SHANK1: variants seen among roughly 807,000 people sequenced by gnomAD.
SHANK1 encodes SH3 and multiple ankyrin repeat domains protein 1.
A neutral mutation model predicts 165.6 loss-of-function variants in SHANK1; 35 were observed. The ratio of observed to expected loss-of-function variants is 0.21; its 90% CI spans 0.16 to 0.28. The LOEUF (loss-of-function observed/expected upper bound fraction) is 0.28, where lower values mean the gene tolerates loss of function less well. Among genes scored for constraint, SHANK1 ranks in the 10% least tolerant of loss-of-function variants. The pLI, the probability that SHANK1 is intolerant of heterozygous loss-of-function variation, is 1.00. For synonymous variants in SHANK1, 1,428 were observed against 1,384.8 expected (o/e 1.03, Z -0.69); for missense variants, 2,681 against 3,036.4 (o/e 0.88, Z 2.75).
chr19:50,694,516 A>C (rs1986659705), intron 15 of SHANK1, among the ~76,000 whole-genome samples: 1 of 135,326 alleles, frequency 7.4e-6, no homozygotes. Flanking sequence ...TAAGGGCGGC[A>C]GAAAGGCGAG....
At position 50,702,236 on chromosome 19, in the gene SHANK1, G is replaced by A. The variant is rs371129182; in HGVS notation, c.1747+231C>T. Among the ~76,000 whole-genome samples the A allele has an allele frequency of 2.0e-5, 3 of 152,130 alleles. No individual in the cohort carries two copies. Among genetic ancestry groups the A allele is most frequent in the Non-Finnish European group, 4.4e-5 (3 of 68,024 alleles). Reference sequence around the variant, plus strand: ...GAAGTTCCAGCCATGCCCTGCACACGGCATCAGTGTCCCGCAGTGGGACAC... The same window carrying A: ...GAAGTTCCAGCCATGCCCTGCACACAGCATCAGTGTCCCGCAGTGGGACAC... On this transcript the variant is annotated intron_variant, in intron 12 of 23. Transcript: ENST00000293441. This position sits in a 1 kb window ranked among gnomAD's most constrained non-coding sequence, Gnocchi z 5.3.
At position 50,719,732 on chromosome 19, in the gene SHANK1, GGCC is replaced by G. The variant is rs1052286855; in HGVS notation, c.-373_-371del. On this transcript the variant is annotated 5_prime_UTR_variant, in exon 1 of 24. Coordinates refer to ENST00000293441, the MANE Select transcript of SHANK1 (RefSeq NM_016148.5). ...CTGCTCTTCCTCCTCCTCTTCCTCG[GGCC>G]GCCGCCGCCGCCGCCCGCTCCGCGC... Among the ~76,000 whole-genome samples, 2 of 149,096 alleles carry G rather than the reference GGCC, an allele frequency of 1.3e-5. No individual in the cohort carries two copies. Among genetic ancestry groups the G allele is most frequent in the Admixed American group, 6.6e-5 (1 of 15,062 alleles).
In SHANK1 at chr19:50,686,956, G is replaced by T. The variant is rs1448765702; in HGVS notation, c.2390-144C>A. On this transcript the variant is annotated intron_variant, in intron 19 of 23. Coordinates refer to ENST00000293441, the MANE Select transcript of SHANK1 (RefSeq NM_016148.5). The surrounding 1 kb of genome is among the most constrained non-coding windows in gnomAD (Gnocchi z 5.7). The stretch of plus-strand genomic sequence containing the variant: ...CAGTGAGGGGCCGGGGTCAGGGAGG[G>T]GCGAGTCCGCCGGCGGGGTCGGGAG... The T allele has an allele frequency of 7.4e-7, 1 of 1,355,400 alleles. No individual in the cohort carries two copies. Among genetic ancestry groups the T allele is most frequent in the African/African-American group, 1.5e-5 (1 of 65,150 alleles). 84.0% of individuals were successfully genotyped at this position (1,355,400 alleles called of 1,614,324 possible).
At position 50,697,224 on chromosome 19, in the gene SHANK1, C is replaced by T. The variant is rs759476363; in HGVS notation, c.1938-102G>A. ...AGCCCTGACTGCACCCTCCCCACAC[C>T]GGTGCATGGGACACACACATTCCCA... is the stretch of plus-strand genomic sequence containing the variant. On this transcript the variant is annotated intron_variant, in intron 14 of 23. Transcript: ENST00000293441. The surrounding 1 kb of genome is among the most constrained non-coding windows in gnomAD (Gnocchi z 4.7). The T allele has an allele frequency of 8.6e-6, 13 of 1,507,650 alleles. No homozygotes were observed. The highest frequency in any genetic ancestry group is 2.7e-5 in the African/African-American group (2 of 73,022). The allele number at this position is 1,507,650 out of a possible 1,614,324, so 93.4% of individuals were successfully genotyped here.
chr19:50,681,889 G>A (rs1321581264), intron 21 of SHANK1, among the ~76,000 whole-genome samples: 1 of 151,774 alleles, frequency 6.6e-6, no homozygotes, highest in Non-Finnish European at 1.5e-5. Context: ...CTCCCACCTC[G>A]GCACACACCA....
chr19:50,707,876 T>TTTTTC (rs60019205), intron 8 of SHANK1, among the ~76,000 whole-genome samples: 1,021 of 94,916 alleles, frequency 0.011, 24 homozygotes, highest in South Asian at 0.016. Context: ...CTTTTGCGTG[T>TTTTTC]TTTTCTTTTC....
chr19:50,679,815 C>T (rs1048236891), intron 21 of SHANK1, among the ~76,000 whole-genome samples: 1 of 151,380 alleles, frequency 6.6e-6, no homozygotes, highest in Non-Finnish European at 1.5e-5. Context: ...GACACAGAGA[C>T]AGACGTAGAG....
chr19:50,672,159 G>A (rs1357120715), intron 21 of SHANK1, 45 bp from the exon 22 acceptor site: 1 of 1,480,002 alleles, frequency 6.8e-7, no homozygotes, highest in Non-Finnish European at 9.3e-7. Context: ...AAGATAGAGA[G>A]AGATCAGTCA....
intron 15 of SHANK1, among the ~76,000 whole-genome samples, chr19:50,691,943 C>T (rs1986551152): frequency 6.6e-6 from 1 of 152,164 alleles, no homozygotes; most frequent in South Asian, 2.1e-4. Context: ...CCTCAGCCTC[C>T]CAAAGTGTTG....
chr19:50,717,217 C>T lies in SHANK1; in HGVS notation c.-43-255G>A, dbSNP rs868194734. 1.3e-5 allele frequency among the ~76,000 whole-genome samples: 2 copies of T among 152,358 alleles called. No homozygotes were observed. Among genetic ancestry groups the T allele is most frequent in the African/African-American group, 4.8e-5 (2 of 41,578 alleles). ...GCCCTTGGCCCCGCTTGCAGCCCGC[C>T]CCCTGCGCCCCACTTTGCTGGTGAC... On this transcript the variant is annotated intron_variant, in intron 1 of 23. Coordinates refer to ENST00000293441, the MANE Select transcript of SHANK1 (RefSeq NM_016148.5). The surrounding 1 kb of genome is among the most constrained non-coding windows in gnomAD (Gnocchi z 5.5).
At chr19:50,705,718 C>A (rs2088930510) in intron 8 of SHANK1, among the ~76,000 whole-genome samples, 1 of 152,190 alleles carries the variant, frequency 6.6e-6, no homozygotes, top group African/African-American at 2.4e-5. Context: ...GGTTGAGAAC[C>A]ACAGGTCTAG....
intron 21 of SHANK1, among the ~76,000 whole-genome samples, chr19:50,682,488 G>A (rs1239602586): frequency 6.6e-6 from 1 of 152,230 alleles, no homozygotes; most frequent in Non-Finnish European, 1.5e-5. Flanking sequence ...AGAAAACTGA[G>A]ATGCAGAGAA....
intron 4 of SHANK1, 40 bp from the exon 5 acceptor site, chr19:50,714,330 G>A: frequency 2.5e-6 from 4 of 1,568,814 alleles, no homozygotes; most frequent in Non-Finnish European, 3.5e-6. Flanking sequence ...GGACAGTCAG[G>A]AGCAAGGCAG....
chr19:50,689,953 G>A (rs1599857060), intron 15 of SHANK1, among the ~76,000 whole-genome samples: 1 of 152,120 alleles, frequency 6.6e-6, no homozygotes, highest in African/African-American at 2.4e-5. Flanking sequence ...CTAGGTGCAC[G>A]TGGCTGTTTT....
chr19:50,665,903 T>C (rs1985479976), intron 23 of SHANK1, among the ~76,000 whole-genome samples: 1 of 113,814 alleles, frequency 8.8e-6, no homozygotes. Context: ...TGTGGTGGCA[T>C]GGGAGGCTGA....
intron 12 of SHANK1, among the ~76,000 whole-genome samples, chr19:50,701,332 C>A: frequency 6.7e-6 from 1 of 150,372 alleles, no homozygotes; most frequent in East Asian, 2.0e-4. Context: ...CAAGTGCGTG[C>A]CACCACACCT....
chr19:50,686,913 T>A lies in SHANK1; in HGVS notation c.2390-101A>T, dbSNP rs933351025. ...GCCAGCAGGTGCGGGCCAGTGGGCG[T>A]GGCGGGCGCGAGAGGGGCAGTGAGG... On this transcript the variant is annotated intron_variant, in intron 19 of 23. Transcript: ENST00000293441. The surrounding 1 kb of genome is among the most constrained non-coding windows in gnomAD (Gnocchi z 5.7). 6.6e-5 allele frequency: 90 copies of A among 1,356,172 alleles called. No homozygotes were observed. The African/African-American group carries it at 1.3e-3, about 20-fold the overall frequency. The allele number at this position is 1,356,172 out of a possible 1,614,324, so 84.0% of individuals were successfully genotyped here. A position where few individuals can be genotyped will look rare whatever the true frequency, so the allele number is the denominator to read the frequency against.
Position 50,716,495 on chromosome 19 carries a change from TA to T in SHANK1, c.256-18del, listed in dbSNP as rs1317548497. The T allele has an allele frequency of 3.1e-6, 5 of 1,613,226 alleles. No homozygotes were observed. In the African/African-American group the frequency reaches 4.0e-5, roughly 13 times the overall value. ...AAGGCATTTCTGGTTGGGGAAGAGA[TA>T]GGGGCTAGGGTGGGCCAGGGGCCAG... On this transcript the variant is annotated intron_variant, in intron 2 of 23. Coordinates refer to ENST00000293441, the MANE Select transcript of SHANK1 (RefSeq NM_016148.5). This position sits in a 1 kb window ranked among gnomAD's most constrained non-coding sequence, Gnocchi z 8.4.
chr19:50,702,752 T>G lies in SHANK1; in HGVS notation c.1554-92A>C. The stretch of plus-strand genomic sequence containing the variant: ...GTCCTTGGGTGGGGGAAGAGGACGG[T>G]GCATCAGGGGGGAGGGGGGGTTTCC... On this transcript the variant is annotated intron_variant, in intron 11 of 23. Transcript: ENST00000293441. The surrounding 1 kb of genome is among the most constrained non-coding windows in gnomAD (Gnocchi z 5.3). 9.6e-6 allele frequency: 7 copies of G among 731,464 alleles called. No homozygotes were observed. Among genetic ancestry groups the G allele is most frequent in the Non-Finnish European group, 1.1e-5 (5 of 464,688 alleles). 45.3% of individuals were successfully genotyped at this position (731,464 alleles called of 1,614,324 possible).
Sources: allele counts gnomAD v4.1 joint callset (sites outside exome capture counted in the v4.1 genomes callset), GRCh38; gene constraint gnomAD v4.1.1; non-coding constraint Gnocchi (gnomAD v3.1); transcripts MANE v1.5; gene names NCBI Gene and HGNC (gene_info 2026-07-23, HGNC 2026-07-21).